Variants in DYNC1I1 observed in about 807,000 individuals in gnomAD.
DYNC1I1 encodes dynein cytoplasmic 1 intermediate chain 1.
Under a neutral mutation model 86.6 loss-of-function variants are expected in DYNC1I1, and 43 were observed. That is an observed-to-expected ratio of 0.50 (90% confidence interval 0.39 to 0.64). The LOEUF (loss-of-function observed/expected upper bound fraction) is 0.64. DYNC1I1 is among the 30% of genes least tolerant of loss of function. DYNC1I1 has a pLI of 0.00. For synonymous variants in DYNC1I1, 262 were observed against 283.7 expected (o/e 0.92, Z 0.77); for missense variants, 604 against 788.8 (o/e 0.77, Z 2.81).
At chr7:95,993,116 AT>A (rs199793532) in intron 9 of DYNC1I1, among the ~76,000 whole-genome samples, 1 of 152,146 alleles carries the variant, frequency 6.6e-6, no homozygotes, top group Non-Finnish European at 1.5e-5. Flanking sequence ...TTGTTTAGAG[AT>A]TTTTTATTGG....
chr7:95,869,337 G>A (rs193241656), intron 5 of DYNC1I1, among the ~76,000 whole-genome samples: 22 of 152,150 alleles, frequency 1.4e-4, no homozygotes, highest in Admixed American at 3.9e-4. Context: ...CTATATCAAT[G>A]TGTCTTTCAA....
intron 6 of DYNC1I1, among the ~76,000 whole-genome samples, chr7:95,973,445 T>G (rs1255589644): frequency 1.3e-5 from 2 of 152,210 alleles, no homozygotes; most frequent in African/African-American, 4.8e-5. Flanking sequence ...AAAGGGCAGG[T>G]ACTATTTTTT....
Position 95,932,682 on chromosome 7 carries a change from A to G in DYNC1I1, c.491-44830A>G, listed in dbSNP as rs145107495. Among the ~76,000 whole-genome samples, 622 of 152,256 alleles carry G rather than the reference A, an allele frequency of 4.1e-3. 9 individuals carry two copies. In the South Asian group the frequency reaches 0.044, roughly 11 times the overall value. ...CTTTCCATTTTTAGATGAGGACACCAAGCCTCACAAATGTTAAGTGATTTG... is the reference window on the plus strand; with the variant it reads ...CTTTCCATTTTTAGATGAGGACACCGAGCCTCACAAATGTTAAGTGATTTG... On this transcript the variant is annotated intron_variant, in intron 6 of 16. Transcript: ENST00000447467.
chr7:95,971,859 A>T (rs971618329), intron 6 of DYNC1I1, among the ~76,000 whole-genome samples: 2 of 152,120 alleles, frequency 1.3e-5, no homozygotes, highest in African/African-American at 4.8e-5. Flanking sequence ...GCTGAGAAGG[A>T]TGGAGTGAAA....
intron 9 of DYNC1I1, among the ~76,000 whole-genome samples, chr7:95,988,968 T>G (rs146528916): frequency 6.6e-6 from 1 of 152,182 alleles, no homozygotes; most frequent in African/African-American, 2.4e-5. Flanking sequence ...TATACCAAAG[T>G]ATTTTAGCAT....
At chr7:95,925,596 G>A (rs1232515556) in intron 6 of DYNC1I1, among the ~76,000 whole-genome samples, 2 of 152,130 alleles carry the variant, frequency 1.3e-5, no homozygotes, top group African/African-American at 4.8e-5. Context: ...CCTTCTAAAG[G>A]TGGCATAAAC....
At chr7:95,843,412 G>A (rs776278200) in intron 5 of DYNC1I1, among the ~76,000 whole-genome samples, 9 of 152,108 alleles carry the variant, frequency 5.9e-5, no homozygotes, top group Non-Finnish European at 1.0e-4. Context: ...CCTACACCAT[G>A]GCCTGGAAAC....
chr7:95,993,834 G>T (rs1262173171), intron 9 of DYNC1I1, among the ~76,000 whole-genome samples: 2 of 152,112 alleles, frequency 1.3e-5, no homozygotes, highest in East Asian at 3.9e-4. Context: ...TATATGTATA[G>T]AATAATGAAA....
At chr7:95,944,921 C>T (rs1367839977) in intron 6 of DYNC1I1, among the ~76,000 whole-genome samples, 1 of 148,302 alleles carries the variant, frequency 6.7e-6, no homozygotes, top group Non-Finnish European at 1.5e-5. Context: ...ATACCTAATG[C>T]TAAATGACGA....
chr7:95,775,146 C>CT (rs1187966550), intron 1 of DYNC1I1, among the ~76,000 whole-genome samples: 2 of 152,162 alleles, frequency 1.3e-5, no homozygotes, highest in Non-Finnish European at 2.9e-5. Context: ...GATGAGGAAA[C>CT]TAAGACACAA....
At chr7:96,109,479 C>T (rs1791276995) in intron 16 of DYNC1I1, among the ~76,000 whole-genome samples, 2 of 150,938 alleles carry the variant, frequency 1.3e-5, no homozygotes, top group Middle Eastern at 3.4e-3. Context: ...AAAAATTAGA[C>T]AATTGATTTG....
At chr7:95,983,917 C>T (rs1285509009) in intron 7 of DYNC1I1, among the ~76,000 whole-genome samples, 3 of 152,122 alleles carry the variant, frequency 2.0e-5, no homozygotes, top group African/African-American at 7.2e-5. Context: ...ACTAGGGTTC[C>T]TGAAGAACCA....
intron 10 of DYNC1I1, among the ~76,000 whole-genome samples, chr7:96,017,948 G>T (rs1794441600): frequency 6.6e-6 from 1 of 152,100 alleles, no homozygotes; most frequent in South Asian, 2.1e-4. Context: ...ATGATTAATT[G>T]GTCTCAATCA....
intron 7 of DYNC1I1, among the ~76,000 whole-genome samples, chr7:95,980,177 A>G (rs1340405953): frequency 6.6e-6 from 1 of 152,210 alleles, no homozygotes; most frequent in African/African-American, 2.4e-5. Context: ...TCATGTTAAA[A>G]GTCAAAAAGA....
chr7:96,107,661 A>G (rs1474104899), intron 16 of DYNC1I1, among the ~76,000 whole-genome samples: 3 of 151,400 alleles, frequency 2.0e-5, no homozygotes, highest in African/African-American at 7.3e-5. Flanking sequence ...CCTCCTGAGT[A>G]GCTAGGATTA....
intron 1 of DYNC1I1, among the ~76,000 whole-genome samples, chr7:95,793,869 C>T (rs1217660189): frequency 6.6e-6 from 1 of 152,204 alleles, no homozygotes; most frequent in Non-Finnish European, 1.5e-5. Flanking sequence ...GTGTGAGTTC[C>T]AAAGGAAGCT....
intron 7 of DYNC1I1, among the ~76,000 whole-genome samples, chr7:95,979,978 A>C (rs1216690375): frequency 2.0e-5 from 3 of 152,272 alleles, no homozygotes; most frequent in Non-Finnish European, 2.9e-5. Context: ...AATATTCTTA[A>C]AATACACCTG....
chr7:95,977,943 T>C (rs1236894050), intron 7 of DYNC1I1, among the ~76,000 whole-genome samples: 4 of 152,230 alleles, frequency 2.6e-5, no homozygotes, highest in Non-Finnish European at 1.5e-5. Context: ...GGACTAGATA[T>C]AATTATTTTG....
At chr7:95,931,317 C>T (rs1387029605) in intron 6 of DYNC1I1, among the ~76,000 whole-genome samples, 1 of 152,028 alleles carries the variant, frequency 6.6e-6, no homozygotes, top group Non-Finnish European at 1.5e-5. Flanking sequence ...ACCCAGCTAA[C>T]TTTTGCATTT....
Sources: gnomAD v4.1 joint callset for allele counts (sites outside exome capture counted in the v4.1 genomes callset) on GRCh38, gnomAD v4.1.1 for gene constraint, MANE v1.5 for transcripts, NCBI Gene and HGNC (gene_info 2026-07-23, HGNC 2026-07-21) for gene names.